The following NKAIN2 variants were observed in gnomAD, a reference collection of about 807,000 sequenced individuals.
NKAIN2 encodes sodium/potassium-transporting ATPase subunit beta-1-interacting protein 2.
A neutral mutation model predicts 32.6 loss-of-function variants in NKAIN2; 14 were observed. The observed-to-expected ratio is 0.43, with a 90% CI of 0.28 to 0.67. The LOEUF is 0.67. Among genes scored for constraint, NKAIN2 ranks in the 30% least tolerant of loss-of-function variants. The pLI is 0.17. For synonymous variants in NKAIN2, 80 were observed against 87.2 expected (o/e 0.92, Z 0.46); for missense variants, 198 against 258.3 (o/e 0.77, Z 1.60).
chr6:123,835,459 A>T (rs187176383), intron 1 of NKAIN2, among the ~76,000 whole-genome samples: 31 of 152,312 alleles, frequency 2.0e-4, no homozygotes, highest in Admixed American at 6.5e-4. Flanking sequence ...AAGGTTATTT[A>T]TGTTTTGATT....
chr6:124,546,969 A>T (rs866535423), intron 3 of NKAIN2, among the ~76,000 whole-genome samples: 1 of 152,212 alleles, frequency 6.6e-6, no homozygotes, highest in Non-Finnish European at 1.5e-5. Flanking sequence ...TGAAGTGCAC[A>T]GTCAACCTTT....
chr6:124,719,610 A>C (rs1312225386), intron 4 of NKAIN2, among the ~76,000 whole-genome samples: 1 of 152,026 alleles, frequency 6.6e-6, no homozygotes, highest in Non-Finnish European at 1.5e-5. Context: ...ACTTTCCCAA[A>C]GACATCTTTC....
intron 4 of NKAIN2, among the ~76,000 whole-genome samples, chr6:124,729,147 C>T (rs1443704014): frequency 1.3e-5 from 2 of 152,208 alleles, no homozygotes; most frequent in African/African-American, 4.8e-5. Context: ...GAACTGGTAC[C>T]ATTCCTTCTG....
chr6:124,519,208 G>A (rs992948493), intron 3 of NKAIN2, among the ~76,000 whole-genome samples: 10 of 152,196 alleles, frequency 6.6e-5, no homozygotes, highest in African/African-American at 2.4e-4. Flanking sequence ...ACAGGAATAT[G>A]AGAGAAGGGG....
At chr6:124,488,325 A>G (rs1777733667) in intron 3 of NKAIN2, among the ~76,000 whole-genome samples, 1 of 152,074 alleles carries the variant, frequency 6.6e-6, no homozygotes, top group Admixed American at 6.6e-5. Context: ...AATTACTATA[A>G]TTAAATTAAG....
chr6:124,101,683 G>A (rs967950518), intron 1 of NKAIN2, among the ~76,000 whole-genome samples: 3 of 151,924 alleles, frequency 2.0e-5, no homozygotes, highest in South Asian at 2.1e-4. Context: ...AGATGAGAGC[G>A]CTTGGAATGT....
At chr6:124,442,723 C>T (rs1775740677) in intron 3 of NKAIN2, among the ~76,000 whole-genome samples, 1 of 152,090 alleles carries the variant, frequency 6.6e-6, no homozygotes, top group South Asian at 2.1e-4. Flanking sequence ...TTCATCTTTT[C>T]CAAATCCCAG....
At chr6:124,739,953 T>G (rs1777124627) in intron 4 of NKAIN2, among the ~76,000 whole-genome samples, 2 of 151,786 alleles carry the variant, frequency 1.3e-5, no homozygotes, top group South Asian at 4.1e-4. Flanking sequence ...TGGGAAAGGT[T>G]TAAATGTTCT....
chr6:124,591,710 T>C (rs890654055), intron 3 of NKAIN2, among the ~76,000 whole-genome samples: 3 of 152,208 alleles, frequency 2.0e-5, no homozygotes, highest in Admixed American at 1.3e-4. Context: ...TTTTCTTCTT[T>C]CCCTTCTCCC....
intron 1 of NKAIN2, among the ~76,000 whole-genome samples, chr6:124,009,642 G>C (rs985349668): frequency 6.6e-6 from 1 of 152,130 alleles, no homozygotes; most frequent in African/African-American, 2.4e-5. Context: ...TCTGAAAACA[G>C]AAATCAGTTT....
At chr6:124,548,242 A>G (rs1401790292) in intron 3 of NKAIN2, among the ~76,000 whole-genome samples, 1 of 152,226 alleles carries the variant, frequency 6.6e-6, no homozygotes, top group Non-Finnish European at 1.5e-5. Flanking sequence ...TTCATTTGTT[A>G]AGGAATTCTA....
intron 3 of NKAIN2, among the ~76,000 whole-genome samples, chr6:124,398,586 G>C (rs1773496241): frequency 6.6e-6 from 1 of 152,150 alleles, no homozygotes; most frequent in Admixed American, 6.5e-5. Flanking sequence ...GCCTGAAAAA[G>C]TTTTGAACAT....
intron 1 of NKAIN2, among the ~76,000 whole-genome samples, chr6:124,104,528 T>C (rs886292066): frequency 3.9e-5 from 6 of 152,236 alleles, no homozygotes; most frequent in Non-Finnish European, 7.3e-5. Context: ...TTTGCACTTA[T>C]ATGTATTCTC....
intron 4 of NKAIN2, among the ~76,000 whole-genome samples, chr6:124,661,327 C>G (rs1368897686): frequency 6.6e-6 from 1 of 152,196 alleles, no homozygotes; most frequent in Non-Finnish European, 1.5e-5. Context: ...GCATATCTGG[C>G]TTAGATCTGC....
intron 2 of NKAIN2, among the ~76,000 whole-genome samples, chr6:124,321,175 C>T (rs750557896): frequency 1.3e-5 from 2 of 152,158 alleles, no homozygotes; most frequent in South Asian, 2.1e-4. Context: ...CTTTTAGCAC[C>T]TTTGCATCTG....
intron 3 of NKAIN2, among the ~76,000 whole-genome samples, chr6:124,616,509 C>T (rs2115007537): frequency 9.7e-6 from 1 of 102,634 alleles, no homozygotes. Flanking sequence ...CTGTCACCCA[C>T]CCTGGAGTGC....
At chr6:123,965,264 A>G (rs1236368024) in intron 1 of NKAIN2, among the ~76,000 whole-genome samples, 2 of 152,208 alleles carry the variant, frequency 1.3e-5, no homozygotes, top group Non-Finnish European at 2.9e-5. Flanking sequence ...TGGTAACTCA[A>G]ATTTACTTAT....
At position 124,165,828 on chromosome 6, in the gene NKAIN2, C is replaced by T. The variant is rs1365534595; in HGVS notation, c.55-117177C>T. Among the ~76,000 whole-genome samples the T allele has an allele frequency of 2.1e-5, 3 of 142,232 alleles. No homozygotes were observed. In the East Asian group the frequency reaches 6.1e-4, roughly 29 times the overall value. The allele number at this position is 142,232 out of a possible 152,430, so 93.3% of individuals were successfully genotyped here. A position where few individuals can be genotyped will look rare whatever the true frequency, so the allele number is the denominator to read the frequency against. ...GATGATTTCCAATTTCATCCATGTC[C>T]CTACAAAGGACATGAACTCATCATT... On this transcript the variant is annotated intron_variant, in intron 1 of 6. Coordinates refer to ENST00000368417, the MANE Select transcript of NKAIN2 (RefSeq NM_001040214.3).
intron 4 of NKAIN2, among the ~76,000 whole-genome samples, chr6:124,722,889 G>A (rs1032359801): frequency 1.3e-5 from 2 of 152,168 alleles, no homozygotes; most frequent in African/African-American, 4.8e-5. Flanking sequence ...TGAAGCAGCA[G>A]CTCATTTTTA....
Sources: gnomAD v4.1 joint callset for allele counts (sites outside exome capture counted in the v4.1 genomes callset) on GRCh38, gnomAD v4.1.1 for gene constraint, MANE v1.5 for transcripts, NCBI Gene and HGNC (gene_info 2026-07-23, HGNC 2026-07-21) for gene names.